The following SYTL5 variants were observed in gnomAD, a reference collection of about 807,000 sequenced individuals.
The protein encoded by SYTL5 is synaptotagmin-like protein 5.
In SYTL5, 34 loss-of-function variants were observed where a neutral mutation model predicts 55.9. That is an observed-to-expected ratio of 0.61 (90% CI 0.46 to 0.81). The LOEUF is 0.81. Ranked by LOEUF, SYTL5 falls within the 30% of genes least tolerant of loss-of-function variation. The pLI is 0.00. For missense variants in SYTL5, 637 were observed against 546.7 expected (o/e 1.17, Z -1.65); for synonymous variants, 221 against 188.7 (o/e 1.17, Z -1.40).
intron 13 of SYTL5, among the ~76,000 whole-genome samples, 164 bp from the exon 14 acceptor site, chrX:38,120,192 TTC>T (rs1213292149): frequency 8.9e-6 from 1 of 112,457 alleles, no homozygotes; most frequent in Non-Finnish European, 1.9e-5. Context: ...AGCCTTTGTT[TTC>T]TCTTACCTCA....
intron 7 of SYTL5, 50 bp downstream of exon 7, chrX:38,089,637 T>A (rs1458817845): frequency 3.6e-6 from 4 of 1,116,061 alleles, no homozygotes; most frequent in East Asian, 6.2e-5. Context: ...CTCACACTGC[T>A]ATAAAGAACT....
the SYTL5 span, among the ~76,000 whole-genome samples, chrX:37,925,022 CT>C: frequency 2.7e-5 from 3 of 110,355 alleles, no homozygotes; most frequent in African/African-American, 9.9e-5. Flanking sequence ...CTCATTCCCC[CT>C]CCCCCTACCC....
At chrX:37,892,351 T>C in the SYTL5 span, among the ~76,000 whole-genome samples, 2 of 106,836 alleles carry the variant, frequency 1.9e-5, no homozygotes, top group African/African-American at 6.7e-5. Context: ...GTTTTATTTA[T>C]TTATTTATAT....
intron 6 of SYTL5, among the ~76,000 whole-genome samples, chrX:38,080,774 A>G (rs1355087335): frequency 8.9e-6 from 1 of 112,060 alleles, no homozygotes; most frequent in Non-Finnish European, 1.9e-5. Flanking sequence ...ATCAGAAATA[A>G]AATTATTCTC....
chrX:38,108,404 T>G (rs1937268334), intron 11 of SYTL5, among the ~76,000 whole-genome samples, 196 bp from the exon 12 acceptor site: 1 of 111,697 alleles, frequency 9.0e-6, no homozygotes, highest in South Asian at 3.8e-4. Flanking sequence ...TCTTTTATCA[T>G]TATACTTTAC....
At chrX:38,123,321 G>T (rs899158285) in intron 15 of SYTL5, among the ~76,000 whole-genome samples, 5 of 111,003 alleles carry the variant, frequency 4.5e-5, no homozygotes, top group African/African-American at 1.3e-4. Flanking sequence ...TAGAGACAGG[G>T]TTTCACCACA....
At chrX:38,120,218 C>T in intron 13 of SYTL5, 140 bp from the exon 14 acceptor site, 1 of 443,158 alleles carries the variant, frequency 2.3e-6, no homozygotes, top group Non-Finnish European at 3.9e-6. Context: ...ATCTCTTAAA[C>T]CAGTGAGAGC....
chrX:38,121,169 C>G (rs1937567807), intron 14 of SYTL5, among the ~76,000 whole-genome samples: 1 of 111,422 alleles, frequency 9.0e-6, no homozygotes, highest in African/African-American at 3.3e-5. Flanking sequence ...AATTCACTCA[C>G]TATCATGAGG....
the SYTL5 span, among the ~76,000 whole-genome samples, chrX:37,924,871 G>T: frequency 9.0e-6 from 1 of 111,480 alleles, no homozygotes; most frequent in Non-Finnish European, 1.9e-5. Flanking sequence ...TTTTCTTTGT[G>T]TTGGGAACAT....
the SYTL5 span, among the ~76,000 whole-genome samples, chrX:37,934,012 A>T: frequency 9.0e-6 from 1 of 111,719 alleles, no homozygotes; most frequent in Non-Finnish European, 1.9e-5. Flanking sequence ...TAGAGACTCC[A>T]CTGGCCACAC....
intron 1 of SYTL5, among the ~76,000 whole-genome samples, chrX:38,025,697 A>G (rs976694119): frequency 8.9e-6 from 1 of 112,420 alleles, no homozygotes; most frequent in Non-Finnish European, 1.9e-5. Context: ...AGTGTTTACT[A>G]GCCCCATTTA....
At chrX:37,953,726 C>T in the SYTL5 span, among the ~76,000 whole-genome samples, 2 of 111,720 alleles carry the variant, frequency 1.8e-5, no homozygotes, top group African/African-American at 6.5e-5. Flanking sequence ...CTCTACTAAT[C>T]ACCATGGCTA....
At chrX:38,062,431 T>G (rs1382191144) in intron 3 of SYTL5, among the ~76,000 whole-genome samples, 1 of 112,113 alleles carries the variant, frequency 8.9e-6, no homozygotes, top group Non-Finnish European at 1.9e-5. Flanking sequence ...TAATGATTAC[T>G]GCAATGGATA....
the SYTL5 span, among the ~76,000 whole-genome samples, chrX:37,956,756 G>A: frequency 2.7e-5 from 3 of 111,762 alleles, no homozygotes; most frequent in Admixed American, 9.5e-5. Context: ...GCATGGGAGC[G>A]CAGATATGCC....
At chrX:38,100,346 AT>A (rs1010398722) in intron 9 of SYTL5, among the ~76,000 whole-genome samples, 9 of 110,653 alleles carry the variant, frequency 8.1e-5, no homozygotes, top group African/African-American at 2.0e-4. Context: ...TAACAAAACC[AT>A]TTTTTTCCTC....
At chrX:37,943,488 A>G in the SYTL5 span, among the ~76,000 whole-genome samples, 1 of 111,340 alleles carries the variant, frequency 9.0e-6, no homozygotes, top group East Asian at 2.8e-4. Flanking sequence ...GAAAATTACT[A>G]AAAGGAAACC....
chrX:38,026,647 A>T (rs1934786761), intron 1 of SYTL5, among the ~76,000 whole-genome samples: 1 of 112,229 alleles, frequency 8.9e-6, no homozygotes, highest in African/African-American at 3.2e-5. Flanking sequence ...CCCTTTTTAG[A>T]TCATACAGGG....
At chrX:38,100,276 G>T (rs905878020) in intron 9 of SYTL5, among the ~76,000 whole-genome samples, 2 of 111,021 alleles carry the variant, frequency 1.8e-5, no homozygotes, top group African/African-American at 6.5e-5. Flanking sequence ...GCTACAATAA[G>T]TTCTCATTTA....
At chrX:37,991,029 A>C in the SYTL5 span, 1 of 1,211,852 alleles carries the variant, frequency 8.3e-7, no homozygotes, top group Non-Finnish European at 1.1e-6. Context: ...TGCTGACTAC[A>C]TCATGGAGCG....
Sources: allele counts gnomAD v4.1 joint callset (sites outside exome capture counted in the v4.1 genomes callset), GRCh38; gene constraint gnomAD v4.1.1; transcripts MANE v1.5; gene names NCBI Gene and HGNC (gene_info 2026-07-23, HGNC 2026-07-21).